The following CEP290 variants were observed in gnomAD, a reference collection of about 807,000 sequenced individuals.
CEP290 encodes the protein centrosomal protein 290, also known as centrosomal protein of 290 kDa.
CEP290 carries 317 observed loss-of-function variants against 344.9 expected under a neutral mutation model. The observed-to-expected ratio is 0.92, with a 90% CI of 0.84 to 1.01. The LOEUF (loss-of-function observed/expected upper bound fraction) is 1.01. Ranked by LOEUF, CEP290 falls within the 50% of genes least tolerant of loss-of-function variation. CEP290 has a pLI of 0.00. For synonymous variants in CEP290, 932 were observed against 895.8 expected (o/e 1.04, Z -0.72); for missense variants, 2,754 against 2,761.4 (o/e 1.00, Z 0.06).
intron 18 of CEP290, chr12:88,115,618 T>C (rs959079837): frequency 8.0e-5 from 93 of 1,157,740 alleles, no homozygotes; most frequent in Non-Finnish European, 8.8e-5. Flanking sequence ...TTCATATCAA[T>C]GTACTGCATT....
At chr12:88,140,202 A>C (rs1202713853) in intron 3 of CEP290, among the ~76,000 whole-genome samples, 4 of 152,060 alleles carry the variant, frequency 2.6e-5, no homozygotes, top group Admixed American at 2.6e-4. Flanking sequence ...TTTCTGTTCC[A>C]ATTGCTATTA....
intron 42 of CEP290, 88 bp downstream of exon 42, chr12:88,071,693 A>G (rs2035387136): frequency 9.6e-7 from 1 of 1,046,664 alleles, no homozygotes; most frequent in South Asian, 1.7e-5. Context: ...ACCATTTCTC[A>G]TATTATCAAC....
At chr12:88,052,432 G>A (rs952444303) in intron 52 of CEP290, among the ~76,000 whole-genome samples, 18 of 152,156 alleles carry the variant, frequency 1.2e-4, no homozygotes, top group Admixed American at 7.2e-4. Context: ...CTCAAAAGAT[G>A]TCCATGATAA....
chr12:88,055,548 T>C lies in CEP290; in HGVS notation c.6960+28A>G. On this transcript the variant is annotated intron_variant, in intron 50 of 53. Transcript: ENST00000552810. Reference sequence around the variant, plus strand: ...TCTTGCGATATTATGCATTATTTTATCATGTAAAGAAAAATTACGTTACTT... The same window carrying C: ...TCTTGCGATATTATGCATTATTTTACCATGTAAAGAAAAATTACGTTACTT... 1.3e-6 allele frequency: 2 copies of C among 1,534,128 alleles called. 1 individual carries two copies. The highest frequency in any genetic ancestry group is 2.5e-5 in the South Asian group (2 of 79,934).
At chr12:88,131,647 A>G (rs754133668) in intron 6 of CEP290, among the ~76,000 whole-genome samples, 1 of 152,192 alleles carries the variant, frequency 6.6e-6, no homozygotes, top group Non-Finnish European at 1.5e-5. Flanking sequence ...AAAATGTTAA[A>G]GCTATTAAGG....
At position 88,139,169 on chromosome 12, in the gene CEP290, T is replaced by C. The variant is rs768434171; in HGVS notation, c.273A>G (p.Val91=). The change falls in exon 5 of 54, where the codon GTA becomes GTG. Residue 91 remains valine (V), a synonymous_variant. Transcript: ENST00000552810. ...CCTCCAGTTCATTTTCCAGTTTCAT[T>C]ACTTTAGTTTTTAATTGATTTTCTA... is the stretch of plus-strand genomic sequence containing the variant. ...AKFENQLKTK[V]MKLENELEMA... The C allele has an allele frequency of 8.3e-7, 1 of 1,203,316 alleles. No homozygotes were observed. Among genetic ancestry groups the C allele is most frequent in the Non-Finnish European group, 1.1e-6 (1 of 879,322 alleles). 74.5% of individuals were successfully genotyped at this position (1,203,316 alleles called of 1,614,324 possible).
At chr12:88,103,305 C>T (rs778051269) in intron 25 of CEP290, 17 of 175,438 alleles carry the variant, frequency 9.7e-5, no homozygotes, top group Non-Finnish European at 1.7e-4. Context: ...ATATATCACT[C>T]GGAATTTATC....
At chr12:88,087,536 T>C (rs965383759) in intron 32 of CEP290, among the ~76,000 whole-genome samples, 15 of 151,822 alleles carry the variant, frequency 9.9e-5, no homozygotes, top group Admixed American at 6.5e-4. Flanking sequence ...CTGGCTAATA[T>C]GGTGAAACCC....
In CEP290 at chr12:88,092,712, T is replaced by G; in HGVS notation, c.3430A>C (p.Asn1144His). 6.2e-7 allele frequency: 1 copy of G among 1,610,082 alleles called. No individual in the cohort carries two copies. Among genetic ancestry groups the G allele is most frequent in the Non-Finnish European group, 8.5e-7 (1 of 1,178,396 alleles). ...ACTTCAACTTTTAGTTCCATTTCAT[T>G]CTTCTCTAATTCTAGAATCCGTTGC... is the stretch of plus-strand genomic sequence containing the variant. The part of the protein sequence containing the change: ...DRQRILELEK[N>H]EMELKVEVSK... Residue 1144 changes from asparagine (N) to histidine (H), a missense_variant, in exon 29 of 54, where the codon AAT becomes CAT. Physicochemically the swap from Asn to His is moderately conservative, Grantham distance 68 (BLOSUM62 1). Coordinates refer to ENST00000552810, the MANE Select transcript of CEP290 (RefSeq NM_025114.4).
intron 23 of CEP290, among the ~76,000 whole-genome samples, 163 bp from the exon 24 acceptor site, chr12:88,107,261 G>C (rs748917044): frequency 2.0e-5 from 3 of 151,960 alleles, no homozygotes; most frequent in Non-Finnish European, 4.4e-5. Context: ...ATTTAAAAAG[G>C]GTTTAGCCTA....
At chr12:88,057,212 G>T (rs2034079761) in intron 49 of CEP290, among the ~76,000 whole-genome samples, 1 of 152,124 alleles carries the variant, frequency 6.6e-6, no homozygotes, top group Non-Finnish European at 1.5e-5. Context: ...TGAGCCCACA[G>T]AAAGGATATA....
At position 88,084,713 on chromosome 12, in the gene CEP290, T is replaced by A. The variant is rs760625332; in HGVS notation, c.4577A>T (p.Glu1526Val). Reference sequence around the variant, plus strand: ...TGTGTGGTGAGATTTTGGTTCCATCTCTTTTCTGCCTAGCTCAGCTATGAG... The same window carrying A: ...TGTGTGGTGAGATTTTGGTTCCATCACTTTTCTGCCTAGCTCAGCTATGAG... ...EKLIAELGRK[E>V]MEPKSHHTLK... The change falls in exon 35 of 54, where the codon GAG becomes GTG. Residue 1526 changes from glutamate to valine, a missense_variant. Transcript: ENST00000552810. 6.3e-5 allele frequency: 101 copies of A among 1,613,688 alleles called. No homozygotes were observed. The highest frequency in any genetic ancestry group is 6.2e-5 in the Non-Finnish European group (73 of 1,179,752).
chr12:88,054,257 T>G, intron 51 of CEP290, 83 bp downstream of exon 51: 1 of 862,740 alleles, frequency 1.2e-6, no homozygotes, highest in Non-Finnish European at 1.8e-6. Flanking sequence ...TTGTCTCTAG[T>G]TGTAGCAATT....
chr12:88,115,962 T>C (rs1833220758), intron 18 of CEP290: 1 of 984,762 alleles, frequency 1.0e-6, no homozygotes, highest in African/African-American at 1.7e-5. Flanking sequence ...ATCAGCATAC[T>C]TTACTTGGGA....
chr12:88,088,471 T>C (rs958401409), intron 31 of CEP290, among the ~76,000 whole-genome samples: 13 of 152,232 alleles, frequency 8.5e-5, no homozygotes, highest in African/African-American at 3.1e-4. Flanking sequence ...TTAATATAAA[T>C]TTTCCTATAG....
chr12:88,134,034 A>G (rs1206152690), intron 6 of CEP290, among the ~76,000 whole-genome samples: 1 of 152,170 alleles, frequency 6.6e-6, no homozygotes, highest in Non-Finnish European at 1.5e-5. Context: ...TCTGGCTTCA[A>G]TAATGTCTAC....
chr12:88,130,499 C>T, intron 8 of CEP290, 46 bp downstream of exon 8: 2 of 1,592,688 alleles, frequency 1.3e-6, no homozygotes, highest in Non-Finnish European at 1.7e-6. Flanking sequence ...AGTGCTCTCA[C>T]AACATATTTT....
chr12:88,108,008 A>G (rs1156912412), intron 23 of CEP290, among the ~76,000 whole-genome samples: 1 of 151,992 alleles, frequency 6.6e-6, no homozygotes, highest in Non-Finnish European at 1.5e-5. Context: ...ATAGCATAGT[A>G]TATACATATA....
intron 48 of CEP290, among the ~76,000 whole-genome samples, chr12:88,059,397 C>T (rs889186778): frequency 5.9e-5 from 9 of 151,928 alleles, no homozygotes; most frequent in Non-Finnish European, 1.2e-4. Context: ...GTGTAAGCAA[C>T]GTAGATCATT....
Sources: allele counts gnomAD v4.1 joint callset (sites outside exome capture counted in the v4.1 genomes callset), GRCh38; gene constraint gnomAD v4.1.1; transcripts MANE v1.5; gene names NCBI Gene and HGNC (gene_info 2026-07-23, HGNC 2026-07-21).